COL5A1: variants seen among roughly 807,000 people sequenced by gnomAD.
The protein encoded by COL5A1 is collagen type V alpha 1 chain, also known as collagen alpha-1(V) chain.
Under a neutral mutation model 263.7 loss-of-function variants are expected in COL5A1, and 16 were observed. The observed-to-expected ratio is 0.06, with a 90% CI of 0.04 to 0.09. The LOEUF (loss-of-function observed/expected upper bound fraction) is 0.09. Ranked by LOEUF, COL5A1 falls within the 10% of genes least tolerant of loss-of-function variation. The pLI is 1.00. For synonymous variants in COL5A1, 1,012 were observed against 1,004.5 expected, an observed-to-expected ratio of 1.01 and a Z score of -0.14; for missense variants, 2,036 against 2,540.5, an observed-to-expected ratio of 0.80 and a Z score of 4.27.
Position 134,755,220 on chromosome 9 carries a change from G to C in COL5A1, c.1827+894G>C, listed in dbSNP as rs958013128. ...ATTAGCAGCTCTGGAATCGACTCTT[G>C]GTAGACAATTGGGCCATTTATTTGG... On this transcript the variant is annotated intron_variant, in intron 16 of 65. Coordinates refer to ENST00000371817, the MANE Select transcript of COL5A1 (RefSeq NM_000093.5). The surrounding 1 kb of genome is among the most constrained non-coding windows in gnomAD (Gnocchi z 4.1). Among the ~76,000 whole-genome samples, 1 of 152,126 alleles carries C rather than the reference G, an allele frequency of 6.6e-6. No individual in the cohort carries two copies. Among genetic ancestry groups the C allele is most frequent in the African/African-American group, 2.4e-5 (1 of 41,416 alleles).
At chr9:134,746,963 G>C (rs1052680681) in intron 11 of COL5A1, among the ~76,000 whole-genome samples, 2 of 152,218 alleles carry the variant, frequency 1.3e-5, no homozygotes, top group Non-Finnish European at 2.9e-5. Context: ...ATGTGACTTT[G>C]AGGTGTAGCC....
intron 2 of COL5A1, among the ~76,000 whole-genome samples, chr9:134,692,403 G>A (rs1419120891): frequency 6.6e-6 from 1 of 152,202 alleles, no homozygotes; most frequent in Non-Finnish European, 1.5e-5. Flanking sequence ...TTCTGGGAGA[G>A]CATCTCTTTT....
chr9:134,710,663 C>A, intron 4 of COL5A1, among the ~76,000 whole-genome samples: 1 of 133,526 alleles, frequency 7.5e-6, no homozygotes, highest in South Asian at 2.5e-4. Flanking sequence ...GGAGGAGCCC[C>A]CGTCTGTTGG....
chr9:134,696,950 A>G lies in COL5A1; in HGVS notation c.278-2959A>G, dbSNP rs1342832659. On this transcript the variant is annotated intron_variant, in intron 2 of 65. Coordinates refer to ENST00000371817, the MANE Select transcript of COL5A1 (RefSeq NM_000093.5). The surrounding 1 kb of genome is among the most constrained non-coding windows in gnomAD (Gnocchi z 4.3). ...GCCAGGCTTGGTGGCGGGTGCCTGT[A>G]GTCCCAGCTACTCGGGAGGCTGAGG... 6.6e-6 allele frequency among the ~76,000 whole-genome samples: 1 copy of G among 152,098 alleles called. No individual in the cohort carries two copies. The highest frequency in any genetic ancestry group is 1.9e-4 in the East Asian group (1 of 5,178).
intron 4 of COL5A1, among the ~76,000 whole-genome samples, chr9:134,725,263 ACCTCACAGGT>A (rs1564413124): frequency 6.6e-6 from 1 of 152,066 alleles, no homozygotes; most frequent in Non-Finnish European, 1.5e-5. Flanking sequence ...TGGACAGGTG[ACCTCACAGGT>A]CCTCGGTTTC....
rs973498695 is a variant in COL5A1, at chr9:134,642,822, G to C, written c.109+526G>C. ...TCACTCTAGGCTGAGCTGGCGCCCT[G>C]CTTTCCCCAGGGACAGCGTTTCCTG... is the stretch of plus-strand genomic sequence containing the variant. On this transcript the variant is annotated intron_variant, in intron 1 of 65. Transcript: ENST00000371817. The surrounding 1 kb of genome is among the most constrained non-coding windows in gnomAD (Gnocchi z 4.5). Among the ~76,000 whole-genome samples the C allele has an allele frequency of 1.3e-5, 2 of 152,192 alleles. No homozygotes were observed.
intron 1 of COL5A1, among the ~76,000 whole-genome samples, chr9:134,651,313 C>T (rs1831679717): frequency 6.6e-6 from 1 of 152,166 alleles, no homozygotes; most frequent in Non-Finnish European, 1.5e-5. Flanking sequence ...TTTGACCCAA[C>T]AATACCATTA....
chr9:134,723,188 C>T (rs994846727), intron 4 of COL5A1, among the ~76,000 whole-genome samples: 2 of 152,312 alleles, frequency 1.3e-5, no homozygotes, highest in South Asian at 2.1e-4. Context: ...CAGCTCCCGA[C>T]GACCGCCAAC....
At chr9:134,669,218 TTCCC>T (rs1832454908) in intron 1 of COL5A1, among the ~76,000 whole-genome samples, 1 of 91,786 alleles carries the variant, frequency 1.1e-5, no homozygotes, top group Non-Finnish European at 2.0e-5. Flanking sequence ...TCCTTTTCCC[TTCCC>T]TTCCCTTCCC....
intron 43 of COL5A1, 67 bp from the exon 44 acceptor site, chr9:134,810,188 A>G (rs751786316): frequency 1.9e-6 from 3 of 1,557,832 alleles, no homozygotes; most frequent in Admixed American, 1.7e-5. Flanking sequence ...AAAATTCATT[A>G]CGGGGAACAG....
chr9:134,796,043 A>G (rs1206627347), intron 34 of COL5A1, among the ~76,000 whole-genome samples: 1 of 151,090 alleles, frequency 6.6e-6, no homozygotes, highest in Non-Finnish European at 1.5e-5. Context: ...GGGTGGCCCT[A>G]GAGCGGGTCC....
Position 134,794,883 on chromosome 9 carries a change from T to C in COL5A1, c.2701-199T>C, listed in dbSNP as rs1048890464. Among the ~76,000 whole-genome samples, 5 of 152,210 alleles carry C rather than the reference T, an allele frequency of 3.3e-5. No homozygotes were observed. The highest frequency in any genetic ancestry group is 1.2e-4 in the African/African-American group (5 of 41,450). ...CAGGACTTGTGCAGGAGTGCAAAGC[T>C]GTGTGTGTCGGGTGTGCGGTGAGCT... On this transcript the variant is annotated intron_variant, in intron 32 of 65. Coordinates refer to ENST00000371817, the MANE Select transcript of COL5A1 (RefSeq NM_000093.5). This position sits in a 1 kb window ranked among gnomAD's most constrained non-coding sequence, Gnocchi z 4.3.
chr9:134,732,063 AC>A lies in COL5A1; in HGVS notation c.1333-3del. 1 of 1,613,072 alleles carries A rather than the reference AC, an allele frequency of 6.2e-7. No individual in the cohort carries two copies. The highest frequency in any genetic ancestry group is 8.5e-7 in the Non-Finnish European group (1 of 1,179,488). On this transcript the variant is annotated splice_region_variant and splice_polypyrimidine_tract_variant and intron_variant, in intron 8 of 65. Coordinates refer to ENST00000371817, the MANE Select transcript of COL5A1 (RefSeq NM_000093.5). ...ATTCTCTTTCCATCTGCCTTTTATC[AC>A]CCCCAGATTGGAGGACCTCGGGGCG...
intron 17 of COL5A1, among the ~76,000 whole-genome samples, 179 bp downstream of exon 17, chr9:134,756,997 G>A (rs1413067320): frequency 1.3e-5 from 2 of 152,200 alleles, no homozygotes; most frequent in African/African-American, 2.4e-5. Flanking sequence ...AAGCGTGACA[G>A]TTGCAGTTCA....
At position 134,817,022 on chromosome 9, in the gene COL5A1, C is replaced by T. The variant is rs780085820; in HGVS notation, c.4123-4C>T. On this transcript the variant is annotated splice_region_variant and splice_polypyrimidine_tract_variant and intron_variant, in intron 52 of 65. Coordinates refer to ENST00000371817, the MANE Select transcript of COL5A1 (RefSeq NM_000093.5). ...TCACACTCTGTTCTTTCTCCCAATACCAGGGATCCCCCGGCCCTACTGGTG... is the reference window on the plus strand; with the variant it reads ...TCACACTCTGTTCTTTCTCCCAATATCAGGGATCCCCCGGCCCTACTGGTG... 6.2e-7 allele frequency: 1 copy of T among 1,613,792 alleles called. No individual in the cohort carries two copies.
At chr9:134,706,878 T>A (rs1833852763) in intron 4 of COL5A1, among the ~76,000 whole-genome samples, 1 of 152,092 alleles carries the variant, frequency 6.6e-6, no homozygotes, top group South Asian at 2.1e-4. Flanking sequence ...GGCCCAAGAG[T>A]GTCCCTCCCG....
intron 2 of COL5A1, among the ~76,000 whole-genome samples, chr9:134,699,536 C>T (rs1181295190): frequency 1.4e-5 from 2 of 142,304 alleles, no homozygotes; most frequent in African/African-American, 2.5e-5. Flanking sequence ...CGTACTAAGA[C>T]ACCTCAGAAG....
At chr9:134,830,925 TTC>T (rs1435196311) in intron 64 of COL5A1, among the ~76,000 whole-genome samples, 1 of 151,380 alleles carries the variant, frequency 6.6e-6, no homozygotes, top group African/African-American at 2.4e-5. Context: ...AAGAGCAGAG[TTC>T]TGTCTTTTCT....
rs554110148 is a variant in COL5A1 at position 134,844,820 on chromosome 9, C to T, written c.*2517C>T. 11 of 152,330 alleles carry T rather than the reference C, an allele frequency of 7.2e-5. No homozygotes were observed. The South Asian group carries it at 2.1e-3, about 29-fold the overall frequency. 9.4% of individuals were successfully genotyped at this position (152,330 alleles called of 1,614,324 possible). ...TAACTGTAATAGTTTTTCAATAAATCGAGTTGGGTGTTTCCACCGTAAACA... is the reference window on the plus strand; with the variant it reads ...TAACTGTAATAGTTTTTCAATAAATTGAGTTGGGTGTTTCCACCGTAAACA... On this transcript the variant is annotated 3_prime_UTR_variant, in exon 66 of 66. Transcript: ENST00000371817.
Sources: allele counts gnomAD v4.1 joint callset (sites outside exome capture counted in the v4.1 genomes callset), GRCh38; gene constraint gnomAD v4.1.1; non-coding constraint Gnocchi (gnomAD v3.1); transcripts MANE v1.5; gene names NCBI Gene and HGNC (gene_info 2026-07-23, HGNC 2026-07-21).